IFT52: variants seen among roughly 807,000 people sequenced by gnomAD.
The protein encoded by IFT52 is intraflagellar transport protein 52 homolog.
In IFT52, 44 loss-of-function variants were observed where a neutral mutation model predicts 54.4. The ratio of observed to expected loss-of-function variants is 0.81; its 90% CI spans 0.63 to 1.04. IFT52 has a LOEUF of 1.04. Among genes scored for constraint, IFT52 ranks in the 50% least tolerant of loss-of-function variants. The pLI is 0.00. For synonymous variants in IFT52, 181 were observed against 185.3 expected, an observed-to-expected ratio of 0.98 and a Z score of 0.19; for missense variants, 452 against 523.6, an observed-to-expected ratio of 0.86 and a Z score of 1.33.
chr20:43,612,706 A>AGC (rs1195202239), intron 6 of IFT52, among the ~76,000 whole-genome samples: 37 of 66,262 alleles, frequency 5.6e-4, no homozygotes, highest in African/African-American at 6.7e-4. Context: ...AACAAAACAA[A>AGC]ACAAACAAAA....
intron 10 of IFT52, among the ~76,000 whole-genome samples, chr20:43,629,698 G>A (rs907877899): frequency 2.6e-5 from 4 of 152,206 alleles, no homozygotes; most frequent in African/African-American, 9.6e-5. Context: ...CTAAGAAGCT[G>A]AGGCTTGGGA....
Position 43,642,638 on chromosome 20 carries a change from A to G in IFT52, c.1266+14A>G, listed in dbSNP as rs1475279901. 1.9e-6 allele frequency: 3 copies of G among 1,613,362 alleles called. No individual in the cohort carries two copies. Among genetic ancestry groups the G allele is most frequent in the Non-Finnish European group, 1.7e-6 (2 of 1,179,556 alleles). On this transcript the variant is annotated intron_variant, in intron 13 of 13. Coordinates refer to ENST00000373030, the MANE Select transcript of IFT52 (RefSeq NM_016004.5). ...AAATTGAACCAGGTACAGAGCCTAC[A>G]AGGCACAGTGTAGTGGGAGCCCCTC...
chr20:43,613,742 G>A (rs1162954004), intron 6 of IFT52, 108 bp from the exon 7 acceptor site: 3 of 1,099,576 alleles, frequency 2.7e-6, no homozygotes, highest in East Asian at 4.9e-5. Flanking sequence ...GGGTGACTGA[G>A]TGAGACTGTT....
At chr20:43,609,872 C>T (rs1401738280) in intron 6 of IFT52, among the ~76,000 whole-genome samples, 2 of 151,358 alleles carry the variant, frequency 1.3e-5, no homozygotes, top group East Asian at 3.9e-4. Flanking sequence ...TTGCTTGAAC[C>T]CAGGAGGCAG....
At chr20:43,637,887 G>A (rs1985653327) in intron 12 of IFT52, among the ~76,000 whole-genome samples, 2 of 152,188 alleles carry the variant, frequency 1.3e-5, no homozygotes, top group South Asian at 4.1e-4. Flanking sequence ...ATCTCAGTCA[G>A]TGGTCATAGG....
At chr20:43,624,554 GA>G (rs1984584284) in intron 10 of IFT52, among the ~76,000 whole-genome samples, 1 of 152,184 alleles carries the variant, frequency 6.6e-6, no homozygotes, top group African/African-American at 2.4e-5. Flanking sequence ...AGCCGTTAGG[GA>G]AGCCGTGGGA....
chr20:43,642,419 C>T, intron 12 of IFT52, 60 bp from the exon 13 acceptor site: 1 of 1,512,790 alleles, frequency 6.6e-7, no homozygotes, highest in Non-Finnish European at 9.1e-7. Flanking sequence ...CACACTAAGT[C>T]TGTACTTTGG....
At chr20:43,611,994 C>T (rs1983487171) in intron 6 of IFT52, among the ~76,000 whole-genome samples, 1 of 151,972 alleles carries the variant, frequency 6.6e-6, no homozygotes, top group Admixed American at 6.6e-5. Context: ...CACGCCATTG[C>T]ACTCCAGCCT....
chr20:43,632,232 C>T (rs1334039565), intron 10 of IFT52, among the ~76,000 whole-genome samples: 1 of 146,978 alleles, frequency 6.8e-6, no homozygotes, highest in African/African-American at 2.5e-5. Context: ...GCCTATTTGT[C>T]TTCTTAATAT....
intron 10 of IFT52, among the ~76,000 whole-genome samples, chr20:43,632,461 A>ATG (rs888419193): frequency 2.3e-4 from 35 of 151,868 alleles, no homozygotes; most frequent in African/African-American, 8.5e-4. Flanking sequence ...GGGTTTCACC[A>ATG]TGTTGGCCAG....
chr20:43,646,606 G>A (rs1256997086), intron 13 of IFT52, among the ~76,000 whole-genome samples: 2 of 152,148 alleles, frequency 1.3e-5, no homozygotes, highest in Non-Finnish European at 2.9e-5. Flanking sequence ...GGGAGGTCAG[G>A]TAGGTTCCCA....
chr20:43,616,019 G>T (rs1983831828), intron 7 of IFT52, among the ~76,000 whole-genome samples: 1 of 151,764 alleles, frequency 6.6e-6, no homozygotes, highest in African/African-American at 2.4e-5. Flanking sequence ...AAATCAGAGG[G>T]TTTTTTTTAC....
At chr20:43,642,366 G>A in intron 12 of IFT52, 113 bp from the exon 13 acceptor site, 2 of 929,954 alleles carry the variant, frequency 2.2e-6, no homozygotes, top group South Asian at 3.3e-5. Context: ...GAAGAGGTGA[G>A]TGATCTTAGG....
At chr20:43,594,624 CTATTTATTACTTTTAGGGTCTTTGGAA>C (rs997843416) in intron 1 of IFT52, 42 bp from the exon 2 acceptor site, 1 of 833,898 alleles carries the variant, frequency 1.2e-6, no homozygotes, top group Non-Finnish European at 2.0e-6. Flanking sequence ...TAGAAGGCAA[CTATTTATTACTTTTAGGGTCTTTGGAA>C]TATTGTTTAT....
intron 12 of IFT52, among the ~76,000 whole-genome samples, 157 bp downstream of exon 12, chr20:43,637,410 G>A (rs112128624): frequency 7.5e-4 from 114 of 151,196 alleles, no homozygotes; most frequent in African/African-American, 2.7e-3. Context: ...TTACAGGCAT[G>A]CGCCACCACG....
At chr20:43,645,976 G>A (rs1986171064) in intron 13 of IFT52, among the ~76,000 whole-genome samples, 2 of 149,740 alleles carry the variant, frequency 1.3e-5, no homozygotes, top group Middle Eastern at 3.4e-3. Flanking sequence ...TTGGGAGGCC[G>A]AGGCAGGAGG....
rs187392007 is a variant in IFT52 at position 43,592,685 on chromosome 20, G to A, written c.-7+1631G>A. Among the ~76,000 whole-genome samples the A allele has an allele frequency of 7.7e-4, 118 of 152,260 alleles. 1 individual carries two copies. The highest frequency in any genetic ancestry group is 2.6e-3 in the African/African-American group (109 of 41,544). On this transcript the variant is annotated intron_variant, in intron 1 of 13. Coordinates refer to ENST00000373030, the MANE Select transcript of IFT52 (RefSeq NM_016004.5). ...GTGTTTCATGTCATCCAGAAGCCAG[G>A]AAGGAAAAGATTCATACTTTTAACT...
At chr20:43,641,288 C>G (rs1334025240) in intron 12 of IFT52, among the ~76,000 whole-genome samples, 1 of 152,108 alleles carries the variant, frequency 6.6e-6, no homozygotes, top group Non-Finnish European at 1.5e-5. Flanking sequence ...GTGGCACGAT[C>G]TTGGCTCACC....
chr20:43,595,023 G>T lies in IFT52; in HGVS notation c.119+206G>T, dbSNP rs141338384. 5.5e-4 allele frequency among the ~76,000 whole-genome samples: 83 copies of T among 151,582 alleles called. 1 individual carries two copies. The Middle Eastern group carries it at 0.017, about 31-fold the overall frequency. On this transcript the variant is annotated intron_variant, in intron 2 of 13. Transcript: ENST00000373030. ...TGAGGCGGGCGGATCACGAGGTCAA[G>T]AGATCAAGACTGGCCGGCACGGTGG...
Sources: gnomAD v4.1 joint callset for allele counts (sites outside exome capture counted in the v4.1 genomes callset) on GRCh38, gnomAD v4.1.1 for gene constraint, MANE v1.5 for transcripts, NCBI Gene and HGNC (gene_info 2026-07-23, HGNC 2026-07-21) for gene names.